The following FLNA variants were observed in gnomAD, a reference collection of about 807,000 sequenced individuals.
FLNA encodes the protein filamin-A.
A neutral mutation model predicts 157.6 loss-of-function variants in FLNA; 7 were observed. That is an observed-to-expected ratio of 0.04 (90% CI 0.03 to 0.08). FLNA has a LOEUF of 0.08. Among genes scored for constraint, FLNA ranks in the 10% least tolerant of loss-of-function variants. The pLI, the probability that FLNA is intolerant of heterozygous loss-of-function variation, is 1.00. For missense variants in FLNA, 1,750 were observed against 2,398.4 expected, an observed-to-expected ratio of 0.73 and a Z score of 5.65; for synonymous variants, 1,103 against 1,060.8, an observed-to-expected ratio of 1.04 and a Z score of -0.77.
At chrX:154,362,839 A>G (rs1557178406) in intron 15 of FLNA, 55 bp from the exon 16 acceptor site, 1 of 1,134,693 alleles carries the variant, frequency 8.8e-7, no homozygotes, top group South Asian at 1.9e-5. Flanking sequence ...GAGACTCAGA[A>G]GCTCCCTCAG....
chrX:154,357,814 CTTCCCACAT>C (rs1417532319), intron 28 of FLNA, among the ~76,000 whole-genome samples, 191 bp from the exon 29 acceptor site: 2 of 112,916 alleles, frequency 1.8e-5, no homozygotes, highest in African/African-American at 6.4e-5. Context: ...ACATCCCACA[CTTCCCACAT>C]GACAACAGGC....
intron 9 of FLNA, 45 bp from the exon 10 acceptor site, chrX:154,365,531 G>A (rs1557179031): frequency 8.3e-7 from 1 of 1,198,114 alleles, no homozygotes; most frequent in East Asian, 3.0e-5. Flanking sequence ...TCGGCTGGGC[G>A]ACCCCTCCCT....
At chrX:154,367,569 C>T (rs782506102) in intron 4 of FLNA, 25 bp from the exon 5 acceptor site, 5 of 1,211,301 alleles carry the variant, frequency 4.1e-6, no homozygotes, top group Non-Finnish European at 4.5e-6. Context: ...AAACAGGAGC[C>T]ATCGGGCCTC....
chrX:154,373,512 A>C lies in FLNA; in HGVS notation c.-117+994T>G, dbSNP rs781937490. Among the ~76,000 whole-genome samples the C allele has an allele frequency of 1.2e-4, 13 of 112,497 alleles. No homozygotes were observed. The East Asian group carries it at 3.6e-3, about 31-fold the overall frequency. ...AGATCGGGCAGTCCTGGGAAGCCAA[A>C]ATCCAGCTCTTTCATATTTTCCCTT... On this transcript the variant is annotated intron_variant, in intron 1 of 47. Coordinates refer to ENST00000369850, the MANE Select transcript of FLNA (RefSeq NM_001110556.2).
At chrX:154,355,758 G>A (rs936394736) in intron 30 of FLNA, among the ~76,000 whole-genome samples, 1 of 113,094 alleles carries the variant, frequency 8.8e-6, no homozygotes, top group Non-Finnish European at 1.9e-5. Context: ...CTGCTGGGTT[G>A]CGAGGGCAGA....
intron 21 of FLNA, among the ~76,000 whole-genome samples, chrX:154,361,076 A>G (rs12558744): frequency 1.3e-3 from 117 of 88,946 alleles, no homozygotes; most frequent in Non-Finnish European, 2.0e-3. Flanking sequence ...AAAAAAAAAA[A>G]AAAGAAAGAA....
rs370737630 is a variant in FLNA, at chrX:154,354,812, C to A, written c.5217+13G>T. 147 of 1,210,452 alleles carry A rather than the reference C, an allele frequency of 1.2e-4. No homozygotes were observed. Among genetic ancestry groups the A allele is most frequent in the Non-Finnish European group, 1.6e-4 (140 of 895,303 alleles). On this transcript the variant is annotated intron_variant, in intron 31 of 47. Transcript: ENST00000369850. ...CAGACACCCCTGCTGACCTACCCCC[C>A]ACCCCTCCTCACCGTCACTTGGAAG...
intron 15 of FLNA, among the ~76,000 whole-genome samples, chrX:154,363,629 T>C (rs1469486221): frequency 1.8e-5 from 2 of 109,128 alleles, no homozygotes; most frequent in African/African-American, 3.4e-5. Flanking sequence ...AAGACAATGG[T>C]GTGAACCTGG....
Position 154,371,211 on chromosome X carries a change from G to A in FLNA, c.35C>T (p.Ala12Val). 8.3e-7 allele frequency: 1 copy of A among 1,199,083 alleles called. No homozygotes were observed. Among genetic ancestry groups the A allele is most frequent in the Non-Finnish European group, 1.1e-6 (1 of 889,950 alleles). ...GCCGCCGCCCGGAGCCGCGCCTGCT[G>A]CGCTCTGGCCCGCCCGAGAGTGGGA... ...SSSHSRAGQS[A>V]AGAAPGGGVD... Residue 12 changes from alanine (A) to valine (V), a missense_variant, in exon 2 of 48, where the codon GCA becomes GTA. This residue lies in a region of FLNA where 58 missense variants were observed against 27.8 expected (regional missense o/e 2.09). Transcript: ENST00000369850.
In FLNA at chrX:154,368,000, C is replaced by G. The variant is rs1557179668; in HGVS notation, c.464G>C (p.Trp155Ser). The part of the protein sequence containing the change: ...ILHYSISMPM[W>S]DEEEDEEAKK... ...GGCCTCCTCATCCTCCTCCTCGTCC[C>G]ACATGGGCATGGAGATGGAGTAGTG... Residue 155 changes from tryptophan (W) to serine (S), a missense_variant, in exon 3 of 48, where the codon TGG (tryptophan) becomes TCG (serine). Trp to Ser is a radical substitution (Grantham distance 177). This residue lies in a region of FLNA where 71 missense variants were observed against 239.5 expected (regional missense o/e 0.30). Transcript: ENST00000369850. The G allele has an allele frequency of 8.3e-7, 1 of 1,208,763 alleles. No homozygotes were observed. The highest frequency in any genetic ancestry group is 1.1e-6 in the Non-Finnish European group (1 of 892,915).
chrX:154,351,857 C>T (rs1557175863), intron 42 of FLNA, 27 bp downstream of exon 42: 4 of 1,208,262 alleles, frequency 3.3e-6, no homozygotes, highest in Non-Finnish European at 4.5e-6. Context: ...GCCCCACCTC[C>T]TCCAACCCCA....
At chrX:154,358,626 C>T (rs782084187) in intron 26 of FLNA, 58 bp from the exon 27 acceptor site, 1 of 1,176,576 alleles carries the variant, frequency 8.5e-7, no homozygotes, top group African/African-American at 1.8e-5. Flanking sequence ...CATTCCTACC[C>T]CACCACACTG....
In FLNA at chrX:154,357,255, C is replaced by T; in HGVS notation, c.4965G>A (p.Gly1655=). ...TGGCCCCAGCAAGCAGCTTACCTAGCCCGTGACCTCCGATTGACACTGAGG... is the reference window on the plus strand; with the variant it reads ...TGGCCCCAGCAAGCAGCTTACCTAGTCCGTGACCTCCGATTGACACTGAGG... ...CTVTVSIGGH[G]LGAGIGPTIQ... Residue 1655 remains glycine (G), a synonymous_variant, in exon 30 of 48, where the codon GGG becomes GGA. Coordinates refer to ENST00000369850, the MANE Select transcript of FLNA (RefSeq NM_001110556.2). 8.3e-7 allele frequency: 1 copy of T among 1,210,679 alleles called. No individual in the cohort carries two copies. Among genetic ancestry groups the T allele is most frequent in the Non-Finnish European group, 1.1e-6 (1 of 894,839 alleles).
chrX:154,371,398 G>T, intron 1 of FLNA, 37 bp from the exon 2 acceptor site: 1 of 712,868 alleles, frequency 1.4e-6, no homozygotes, highest in Non-Finnish European at 2.0e-6. Context: ...GCGGGAGGAG[G>T]GCGGGGCCAG....
At chrX:154,370,809 G>C (rs2067800452) in intron 2 of FLNA, 64 bp downstream of exon 2, 1 of 1,154,970 alleles carries the variant, frequency 8.7e-7, no homozygotes, top group East Asian at 3.1e-5. Context: ...GGTCCGCCCG[G>C]GGAGATGGAA....
In FLNA at chrX:154,361,545, C is replaced by T. The variant is rs1557178044; in HGVS notation, c.2970G>A (p.Glu990=). 1 of 1,209,923 alleles carries T rather than the reference C, an allele frequency of 8.3e-7. No homozygotes were observed. Among genetic ancestry groups the T allele is most frequent in the South Asian group, 1.8e-5 (1 of 56,859 alleles). The change falls in exon 21 of 48, where the codon GAG becomes GAA. Residue 990 remains glutamate, a synonymous_variant. Coordinates refer to ENST00000369850, the MANE Select transcript of FLNA (RefSeq NM_001110556.2). ...CAGCACCCTTTGATTTGACTGTGAACTCCTGGTCTTTGCCAACGTCCACCT... is the reference window on the plus strand; with the variant it reads ...CAGCACCCTTTGATTTGACTGTGAATTCCTGGTCTTTGCCAACGTCCACCT... ...GEKVDVGKDQ[E]FTVKSKGAGG... is the part of the protein sequence containing the mutation.
At position 154,353,701 on chromosome X, in the gene FLNA, G is replaced by A. The variant is rs1557176274; in HGVS notation, c.5713C>T (p.Pro1905Ser). The change falls in exon 36 of 48, where the codon CCG becomes TCG. Residue 1905 changes from proline to serine, a missense_variant. Coordinates refer to ENST00000369850, the MANE Select transcript of FLNA (RefSeq NM_001110556.2). ...EGGLSLAIEG[P>S]SKAEISCTDN... ...GTGCAGCTGATTTCTGCTTTGGACGGGCCCTCAATGGCCAGAGACAGGCCC... is the reference window on the plus strand; with the variant it reads ...GTGCAGCTGATTTCTGCTTTGGACGAGCCCTCAATGGCCAGAGACAGGCCC... 1 of 1,210,438 alleles carries A rather than the reference G, an allele frequency of 8.3e-7. No individual in the cohort carries two copies. The highest frequency in any genetic ancestry group is 1.1e-6 in the Non-Finnish European group (1 of 894,828).
At position 154,358,456 on chromosome X, in the gene FLNA, C is replaced by T; in HGVS notation, c.4587G>A (p.Glu1529=). 1 of 1,211,430 alleles carries T rather than the reference C, an allele frequency of 8.3e-7. No individual in the cohort carries two copies. Among genetic ancestry groups the T allele is most frequent in the Non-Finnish European group, 1.1e-6 (1 of 895,339 alleles). ...YSISVLYGDE[E]VPRSPFKVKV... is the part of the protein sequence containing the mutation. Reference sequence around the variant, plus strand: ...GCCCTGCCTCTTACCTCCGGGGTACCTCTTCATCTCCATACAGTACTGAGA... The same window carrying T: ...GCCCTGCCTCTTACCTCCGGGGTACTTCTTCATCTCCATACAGTACTGAGA... Residue 1529 remains glutamate (E), a synonymous_variant, in exon 27 of 48, where the codon GAG becomes GAA. Transcript: ENST00000369850.
Position 154,348,767 on chromosome X carries a change from G to A in FLNA, c.*82C>T. 1 of 1,002,835 alleles carries A rather than the reference G, an allele frequency of 1.0e-6. No individual in the cohort carries two copies. Among genetic ancestry groups the A allele is most frequent in the Non-Finnish European group, 1.4e-6 (1 of 734,380 alleles). The allele number at this position is 1,002,835 out of a possible 1,213,427, so 82.6% of individuals were successfully genotyped here. On this transcript the variant is annotated 3_prime_UTR_variant, in exon 48 of 48. Transcript: ENST00000369850. ...ACAGGCGGGCGGCCAGGGCGGCCTG[G>A]GCCGGGGTTGAGGGGAAGAGGGCGG...
Sources: gnomAD v4.1 joint callset for allele counts (sites outside exome capture counted in the v4.1 genomes callset) on GRCh38, gnomAD v4.1.1 for gene constraint, gnomAD v4.1.1 regional missense constraint, MANE v1.5 for transcripts, NCBI Gene and HGNC (gene_info 2026-07-23, HGNC 2026-07-21) for gene names.